ACTL8: variants seen among roughly 807,000 people sequenced by gnomAD.
The protein encoded by ACTL8 is actin-like protein 8.
In ACTL8, 3 loss-of-function variants were observed where a neutral mutation model predicts 9.3. That is an observed-to-expected ratio of 0.32 (90% CI 0.15 to 0.83). The LOEUF (loss-of-function observed/expected upper bound fraction) is 0.83, where lower values mean the gene tolerates loss of function less well. Among genes scored for constraint, ACTL8 ranks in the 40% least tolerant of loss-of-function variants. ACTL8 has a pLI of 0.57. For synonymous variants in ACTL8, 224 were observed against 205.9 expected, an observed-to-expected ratio of 1.09 and a Z score of -0.75; for missense variants, 381 against 492.2, an observed-to-expected ratio of 0.77 and a Z score of 2.14.
chr1:17,796,711 C>A (rs969486762), intron 1 of ACTL8, among the ~76,000 whole-genome samples: 1 of 152,222 alleles, frequency 6.6e-6, no homozygotes, highest in African/African-American at 2.4e-5. Flanking sequence ...CCAGGTCCAC[C>A]CGGCTTCAAA....
intron 1 of ACTL8, among the ~76,000 whole-genome samples, chr1:17,792,125 C>T (rs2066244337): frequency 6.6e-6 from 1 of 152,236 alleles, no homozygotes; most frequent in African/African-American, 2.4e-5. Flanking sequence ...TGTGGCTCAG[C>T]CAGGTCAGGA....
intron 1 of ACTL8, among the ~76,000 whole-genome samples, chr1:17,780,759 G>A (rs1001927653): frequency 6.7e-6 from 1 of 149,636 alleles, no homozygotes; most frequent in South Asian, 2.1e-4. Flanking sequence ...GGGTGGGGGT[G>A]GGGAGGATAA....
intron 1 of ACTL8, among the ~76,000 whole-genome samples, chr1:17,773,571 T>C (rs2066097850): frequency 6.6e-6 from 1 of 152,198 alleles, no homozygotes; most frequent in African/African-American, 2.4e-5. Flanking sequence ...GGATTGAGCA[T>C]TTCCAGAGTG....
rs1480299081 is a variant in ACTL8 at position 17,824,337 on chromosome 1, A to G, written c.348+981A>G. Reference sequence around the variant, plus strand: ...TAAGATAGAAAGAGAGAGGAAAGAAAAAAGAACATATGCTCATTGCCTGGT... The same window carrying G: ...TAAGATAGAAAGAGAGAGGAAAGAAGAAAGAACATATGCTCATTGCCTGGT... On this transcript the variant is annotated intron_variant, in intron 2 of 2. Transcript: ENST00000375406. Among the ~76,000 whole-genome samples the G allele has an allele frequency of 2.6e-5, 4 of 152,238 alleles. 1 individual carries two copies. The highest frequency in any genetic ancestry group is 1.3e-4 in the Admixed American group (2 of 15,290).
chr1:17,756,582 C>T (rs975286881), intron 1 of ACTL8, among the ~76,000 whole-genome samples: 8 of 152,032 alleles, frequency 5.3e-5, no homozygotes, highest in African/African-American at 1.4e-4. Context: ...TGAAACTTTC[C>T]CTGTAAAAAT....
chr1:17,780,444 G>A (rs1012895414), intron 1 of ACTL8, among the ~76,000 whole-genome samples: 1 of 152,148 alleles, frequency 6.6e-6, no homozygotes, highest in Non-Finnish European at 1.5e-5. Context: ...TCTGCTCACT[G>A]TAGCCTGGCC....
At chr1:17,758,347 T>C (rs531030904) in intron 1 of ACTL8, among the ~76,000 whole-genome samples, 1 of 152,254 alleles carries the variant, frequency 6.6e-6, no homozygotes, top group Non-Finnish European at 1.5e-5. Context: ...TCTCTGGGAA[T>C]GAAATAAGTG....
intron 1 of ACTL8, among the ~76,000 whole-genome samples, chr1:17,798,882 C>A (rs905933761): frequency 6.6e-6 from 1 of 152,228 alleles, no homozygotes; most frequent in Non-Finnish European, 1.5e-5. Flanking sequence ...TAACCGACAT[C>A]ACTAGTCTTG....
chr1:17,823,425 G>T lies in ACTL8; in HGVS notation c.348+69G>T. On this transcript the variant is annotated intron_variant, in intron 2 of 2. Coordinates refer to ENST00000375406, the MANE Select transcript of ACTL8 (RefSeq NM_030812.3). The surrounding 1 kb of genome is among the most constrained non-coding windows in gnomAD (Gnocchi z 5.3). Reference sequence around the variant, plus strand: ...GACTGACACTATGTCTGGACTGATTGGGCACCAGGAATTCTGCTTTTTAAG... The same window carrying T: ...GACTGACACTATGTCTGGACTGATTTGGCACCAGGAATTCTGCTTTTTAAG... 7.0e-7 allele frequency: 1 copy of T among 1,424,126 alleles called. No individual in the cohort carries two copies. Among genetic ancestry groups the T allele is most frequent in the Non-Finnish European group, 9.5e-7 (1 of 1,054,778 alleles). The allele number at this position is 1,424,126 out of a possible 1,614,324, so 88.2% of individuals were successfully genotyped here.
At chr1:17,759,511 T>G (rs1211269669) in intron 1 of ACTL8, among the ~76,000 whole-genome samples, 2 of 152,246 alleles carry the variant, frequency 1.3e-5, no homozygotes, top group African/African-American at 2.4e-5. Flanking sequence ...TTGGCTTTCT[T>G]GCAAGTTCTG....
intron 1 of ACTL8, among the ~76,000 whole-genome samples, chr1:17,811,284 G>A (rs1171913582): frequency 6.6e-6 from 1 of 152,214 alleles, no homozygotes; most frequent in Admixed American, 6.5e-5. Context: ...CTTTGGAAGT[G>A]AGTTGTTTGC....
rs1219330297 is a variant in ACTL8, at chr1:17,777,011, T to TG, written c.-25+21512dup. Among the ~76,000 whole-genome samples, 5 of 120,600 alleles carry TG rather than the reference T, an allele frequency of 4.1e-5. No individual in the cohort carries two copies. The East Asian group carries it at 1.5e-3, about 36-fold the overall frequency. The allele number at this position is 120,600 out of a possible 152,430, so 79.1% of individuals were successfully genotyped here. A position where few individuals can be genotyped will look rare whatever the true frequency, so the allele number is the denominator to read the frequency against. On this transcript the variant is annotated intron_variant, in intron 1 of 2. Coordinates refer to ENST00000375406, the MANE Select transcript of ACTL8 (RefSeq NM_030812.3). ...TTTTTTTTTTTTTTTTTTTTAGAGA[T>TG]GGGGGTCTTGCCATGTTGCCCAGGC...
At chr1:17,769,274 G>A (rs941596512) in intron 1 of ACTL8, among the ~76,000 whole-genome samples, 1 of 152,192 alleles carries the variant, frequency 6.6e-6, no homozygotes, top group African/African-American at 2.4e-5. Flanking sequence ...GCCGGCAGGG[G>A]TGGCAGAGTG....
chr1:17,818,686 C>T (rs1015278037), intron 1 of ACTL8, among the ~76,000 whole-genome samples: 5 of 152,186 alleles, frequency 3.3e-5, no homozygotes, highest in African/African-American at 1.2e-4. Context: ...CAGATGTCAC[C>T]CTAGAAGGAG....
intron 1 of ACTL8, among the ~76,000 whole-genome samples, chr1:17,796,082 C>A (rs991350665): frequency 1.3e-5 from 2 of 152,164 alleles, no homozygotes; most frequent in Non-Finnish European, 2.9e-5. Flanking sequence ...AAATGCTGCT[C>A]TTTCCTGGGT....
intron 1 of ACTL8, among the ~76,000 whole-genome samples, chr1:17,805,112 T>A (rs995392751): frequency 2.0e-5 from 3 of 152,044 alleles, no homozygotes; most frequent in African/African-American, 7.2e-5. Context: ...TCACTTCCTC[T>A]CCCTCCAGCT....
intron 2 of ACTL8, among the ~76,000 whole-genome samples, chr1:17,824,219 T>C (rs2053689864): frequency 6.6e-6 from 1 of 152,150 alleles, no homozygotes; most frequent in African/African-American, 2.4e-5. Context: ...AAATCAAGGA[T>C]TGGCAACCCA....
intron 2 of ACTL8, 83 bp from the exon 3 acceptor site, chr1:17,825,684 G>A (rs764652050): frequency 1.4e-4 from 208 of 1,520,370 alleles, no homozygotes; most frequent in Non-Finnish European, 1.6e-4. Context: ...GTCCCCCCGA[G>A]GATGGGGCTC....
At chr1:17,766,481 C>T (rs1299272909) in intron 1 of ACTL8, among the ~76,000 whole-genome samples, 1 of 152,212 alleles carries the variant, frequency 6.6e-6, no homozygotes, top group African/African-American at 2.4e-5. Context: ...AGAGGGCCTC[C>T]TGATTATTCT....
Sources: gnomAD v4.1 joint callset for allele counts (sites outside exome capture counted in the v4.1 genomes callset) on GRCh38, gnomAD v4.1.1 for gene constraint, Gnocchi (gnomAD v3.1) non-coding constraint, MANE v1.5 for transcripts, NCBI Gene and HGNC (gene_info 2026-07-23, HGNC 2026-07-21) for gene names.